Variants in NEGR1 observed in about 807,000 individuals in gnomAD.
The protein encoded by NEGR1 is IgLON family member 4.
In NEGR1, 10 loss-of-function variants were observed where a neutral mutation model predicts 40.9. That is an observed-to-expected ratio of 0.24 (90% CI 0.15 to 0.42). The LOEUF (loss-of-function observed/expected upper bound fraction) is 0.42. Among genes scored for constraint, NEGR1 ranks in the 10% least tolerant of loss-of-function variants. The pLI is 1.00. For missense variants in NEGR1, 352 were observed against 438.9 expected, an observed-to-expected ratio of 0.80 and a Z score of 1.77; for synonymous variants, 185 against 166.8, an observed-to-expected ratio of 1.11 and a Z score of -0.84.
At chr1:71,479,719 T>C (rs1646842703) in intron 6 of NEGR1, among the ~76,000 whole-genome samples, 1 of 151,992 alleles carries the variant, frequency 6.6e-6, no homozygotes, top group Non-Finnish European at 1.5e-5. Context: ...TTATAGGTAT[T>C]AGATCTACTT....
chr1:71,590,898 T>G (rs1278106399), intron 6 of NEGR1, among the ~76,000 whole-genome samples: 1 of 150,240 alleles, frequency 6.7e-6, no homozygotes, highest in African/African-American at 2.5e-5. Context: ...CACTAAAGAT[T>G]TACTCCTTGC....
intron 4 of NEGR1, among the ~76,000 whole-genome samples, chr1:71,663,064 C>T (rs1652121051): frequency 6.6e-6 from 1 of 151,930 alleles, no homozygotes; most frequent in Non-Finnish European, 1.5e-5. Context: ...TCATACCATT[C>T]TCCTGCCTCA....
At chr1:71,794,540 T>TG (rs1342901956) in intron 2 of NEGR1, 1 of 151,646 alleles carries the variant, frequency 6.6e-6, no homozygotes, top group African/African-American at 2.4e-5. Flanking sequence ...GTCTACCCTG[T>TG]GGGGAAAAAA....
intron 1 of NEGR1, among the ~76,000 whole-genome samples, chr1:71,994,893 G>A (rs1646489985): frequency 6.6e-6 from 1 of 150,664 alleles, no homozygotes; most frequent in Non-Finnish European, 1.5e-5. Flanking sequence ...AGTAGCATCT[G>A]CAGCTGGCAC....
At chr1:72,251,846 T>G (rs17092505) in intron 1 of NEGR1, among the ~76,000 whole-genome samples, 6,512 of 152,194 alleles carry the variant, frequency 0.043, 479 homozygotes, top group African/African-American at 0.15. Flanking sequence ...TCAAGGCAAT[T>G]TTTATTTGTT....
At chr1:71,784,542 C>A (rs1305487775) in intron 2 of NEGR1, among the ~76,000 whole-genome samples, 2 of 152,098 alleles carry the variant, frequency 1.3e-5, no homozygotes, top group Non-Finnish European at 2.9e-5. Context: ...CCATCGTGTT[C>A]TTTTCCCTTG....
At chr1:72,219,321 TCTTA>T (rs1190631405) in intron 1 of NEGR1, among the ~76,000 whole-genome samples, 2 of 152,068 alleles carry the variant, frequency 1.3e-5, no homozygotes, top group African/African-American at 4.8e-5. Flanking sequence ...TTTTGTATGT[TCTTA>T]GAGTATTAAT....
intron 3 of NEGR1, among the ~76,000 whole-genome samples, chr1:71,758,569 T>G (rs985316353): frequency 6.6e-6 from 1 of 152,136 alleles, no homozygotes; most frequent in Non-Finnish European, 1.5e-5. Context: ...TATTCCTAAT[T>G]ATGGTCAAGT....
In NEGR1 at chr1:71,901,004, A is replaced by C. The variant is rs1570480097; in HGVS notation, c.409+34075T>G. Among the ~76,000 whole-genome samples, 5 of 152,304 alleles carry C rather than the reference A, an allele frequency of 3.3e-5. No individual in the cohort carries two copies. The East Asian group carries it at 9.6e-4, about 29-fold the overall frequency. On this transcript the variant is annotated intron_variant, in intron 2 of 6. Coordinates refer to ENST00000357731, the MANE Select transcript of NEGR1 (RefSeq NM_173808.3). ...ATATTTCCTGTTTAATCTTCATGCA[A>C]TATATAAGTAAATGATTTGAACACA...
chr1:72,003,512 C>T (rs1022570013), intron 1 of NEGR1, among the ~76,000 whole-genome samples: 1 of 151,588 alleles, frequency 6.6e-6, no homozygotes. Flanking sequence ...AAATAAAAAG[C>T]TAAGATTTGG....
At chr1:71,710,992 A>G (rs1156359861) in intron 3 of NEGR1, among the ~76,000 whole-genome samples, 1 of 152,050 alleles carries the variant, frequency 6.6e-6, no homozygotes, top group Non-Finnish European at 1.5e-5. Context: ...TATCTCATGT[A>G]CCCCATAAAT....
At position 72,140,145 on chromosome 1, in the gene NEGR1, T is replaced by G. The variant is rs570610120; in HGVS notation, c.176+142174A>C. On this transcript the variant is annotated intron_variant, in intron 1 of 6. Coordinates refer to ENST00000357731, the MANE Select transcript of NEGR1 (RefSeq NM_173808.3). Reference sequence around the variant, plus strand: ...GGTTGAAGAGGCTGGAATTAATTTCTGAATCCTTATGTCACTCTATCAATT... The same window carrying G: ...GGTTGAAGAGGCTGGAATTAATTTCGGAATCCTTATGTCACTCTATCAATT... 1.4e-4 allele frequency among the ~76,000 whole-genome samples: 22 copies of G among 152,202 alleles called. No homozygotes were observed. In the South Asian group the frequency reaches 4.6e-3, roughly 32 times the overall value.
chr1:71,768,174 G>T (rs1656195364), intron 3 of NEGR1, among the ~76,000 whole-genome samples: 1 of 152,166 alleles, frequency 6.6e-6, no homozygotes. Context: ...GTTGTGAGAA[G>T]AGGGCCCCAG....
At chr1:71,781,173 C>A (rs536015431) in intron 2 of NEGR1, among the ~76,000 whole-genome samples, 1 of 152,160 alleles carries the variant, frequency 6.6e-6, no homozygotes, top group African/African-American at 2.4e-5. Context: ...TGCAACATGA[C>A]CATTAACAGA....
In NEGR1 at chr1:71,612,252, T is replaced by C. The variant is rs147553934; in HGVS notation, c.668-1106A>G. Among the ~76,000 whole-genome samples, 506 of 152,240 alleles carry C rather than the reference T, an allele frequency of 3.3e-3. 4 individuals are homozygous for C. Among genetic ancestry groups the C allele is most frequent in the African/African-American group, 0.012 (485 of 41,562 alleles). On this transcript the variant is annotated intron_variant, in intron 4 of 6. Transcript: ENST00000357731. ...AAAACAAAACAAAAAAGAAATGTATTGCACTGTATCATGTACTGTATTTAT... is the reference window on the plus strand; with the variant it reads ...AAAACAAAACAAAAAAGAAATGTATCGCACTGTATCATGTACTGTATTTAT...
chr1:71,696,921 A>T (rs1172089813), intron 4 of NEGR1, among the ~76,000 whole-genome samples: 1 of 151,864 alleles, frequency 6.6e-6, no homozygotes, highest in East Asian at 1.9e-4. Flanking sequence ...GGTATCATGC[A>T]CATTTGTGCA....
chr1:71,710,944 A>T (rs531362342), intron 3 of NEGR1, among the ~76,000 whole-genome samples: 1 of 152,154 alleles, frequency 6.6e-6, no homozygotes, highest in East Asian at 1.9e-4. Flanking sequence ...CCCATTCTCC[A>T]TTATGTGCTT....
Position 71,472,736 on chromosome 1 carries a change from T to C in NEGR1, c.941-65166A>G, listed in dbSNP as rs183819269. The C allele has an allele frequency of 1.3e-3, 201 of 152,166 alleles. 1 individual carries two copies. Among genetic ancestry groups the C allele is most frequent in the African/African-American group, 4.7e-3 (195 of 41,548 alleles). 9.4% of individuals were successfully genotyped at this position (152,166 alleles called of 1,614,324 possible). A position where few individuals can be genotyped will look rare whatever the true frequency, so the allele number is the denominator to read the frequency against. ...TCCATTCTGATACATGAGAAGAGAG[T>C]ATGTTTATATTCTCTCAGTGAGAAT... On this transcript the variant is annotated intron_variant, in intron 6 of 6. Transcript: ENST00000357731.
chr1:71,788,642 T>C (rs1656997505), intron 2 of NEGR1, among the ~76,000 whole-genome samples: 2 of 152,018 alleles, frequency 1.3e-5, no homozygotes, highest in Non-Finnish European at 2.9e-5. Context: ...TTGCCTTAGA[T>C]CTACAGTTAG....
Sources: gnomAD v4.1 joint callset for allele counts (sites outside exome capture counted in the v4.1 genomes callset) on GRCh38, gnomAD v4.1.1 for gene constraint, MANE v1.5 for transcripts, NCBI Gene and HGNC (gene_info 2026-07-23, HGNC 2026-07-21) for gene names.